ATR: variants seen among roughly 807,000 people sequenced by gnomAD.
ATR encodes ATR checkpoint kinase.
Under a neutral mutation model 305.3 loss-of-function variants are expected in ATR, and 142 were observed. That is an observed-to-expected ratio of 0.47 (90% CI 0.41 to 0.53). ATR has a LOEUF of 0.53. Ranked by LOEUF, ATR falls within the 20% of genes least tolerant of loss-of-function variation. ATR has a pLI of 0.00. For missense variants in ATR, 2,135 were observed against 3,133.1 expected (o/e 0.68, Z 7.60); for synonymous variants, 1,050 against 1,068.1 (o/e 0.98, Z 0.33).
chr3:142,528,258 T>C (rs2033479079), intron 21 of ATR, among the ~76,000 whole-genome samples: 1 of 152,230 alleles, frequency 6.6e-6, no homozygotes. Flanking sequence ...ATTTAGATCT[T>C]CTACGTATTT....
At chr3:142,578,543 T>G in intron 1 of ATR, 103 bp downstream of exon 1, 1 of 1,324,438 alleles carries the variant, frequency 7.6e-7, no homozygotes, top group Non-Finnish European at 1.0e-6. Flanking sequence ...AGCGGGGGCT[T>G]AGGGGATCCC....
At chr3:142,457,913 T>C (rs982304358) in intron 44 of ATR, 158 bp from the exon 45 acceptor site, 4 of 785,242 alleles carry the variant, frequency 5.1e-6, no homozygotes, top group East Asian at 2.7e-5. Context: ...GAAGGAGCCA[T>C]GTAGCTCTGC....
At chr3:142,540,065 A>T (rs755857423) in intron 18 of ATR, among the ~76,000 whole-genome samples, 4 of 152,192 alleles carry the variant, frequency 2.6e-5, no homozygotes, top group Non-Finnish European at 5.9e-5. Flanking sequence ...GTATGTTATC[A>T]TAATAAATTG....
At chr3:142,543,682 T>G (rs2108443604) in intron 16 of ATR, among the ~76,000 whole-genome samples, 1 of 152,016 alleles carries the variant, frequency 6.6e-6, no homozygotes, top group Middle Eastern at 3.4e-3. Context: ...CCTCTTCTTT[T>G]CTTCCTCTCT....
In ATR at chr3:142,475,330, T is replaced by C. The variant is rs182427517; in HGVS notation, c.6222-5147A>G. Among the ~76,000 whole-genome samples the C allele has an allele frequency of 2.6e-5, 4 of 152,282 alleles. No homozygotes were observed. In the East Asian group the frequency reaches 7.7e-4, roughly 29 times the overall value. On this transcript the variant is annotated intron_variant, in intron 36 of 46. Transcript: ENST00000350721. ...GTTCTCATTGTTCAATTCCCAGCTA[T>C]GAATGAGAACATGCGGTGTTTGGTT...
intron 3 of ATR, among the ~76,000 whole-genome samples, chr3:142,564,948 G>GGTTTT (rs2035015257): frequency 1.3e-5 from 2 of 151,948 alleles, no homozygotes; most frequent in Non-Finnish European, 1.5e-5. Context: ...GGTTTGGTTT[G>GGTTTT]GTTTGGTTTT....
intron 3 of ATR, among the ~76,000 whole-genome samples, chr3:142,564,666 C>T (rs1172179765): frequency 6.6e-6 from 1 of 152,110 alleles, no homozygotes; most frequent in Non-Finnish European, 1.5e-5. Context: ...TGACCCAGTA[C>T]ATATACATGC....
chr3:142,496,314 A>G (rs1248438205), intron 34 of ATR, 47 bp downstream of exon 34: 5 of 200,722 alleles, frequency 2.5e-5, no homozygotes, highest in African/African-American at 3.7e-5. Context: ...ATATATATAT[A>G]TATATATATA....
rs2034786632 is a variant in ATR at position 142,559,103 on chromosome 3, T to C, written c.1732+148A>G. On this transcript the variant is annotated intron_variant, in intron 7 of 46. Transcript: ENST00000350721. ...ACATAAATTGGCAACTCAGAACTTC[T>C]ATTATTGACAAATTTAATAGAACTG... 4.6e-6 allele frequency: 4 copies of C among 860,972 alleles called. No homozygotes were observed. In the South Asian group the frequency reaches 5.6e-5, roughly 12 times the overall value. The allele number at this position is 860,972 out of a possible 1,614,324, so 53.3% of individuals were successfully genotyped here.
rs765495429 is a variant in ATR, at chr3:142,568,054, G to A, written c.151+9C>T. 6.3e-7 allele frequency: 1 copy of A among 1,585,976 alleles called. No individual in the cohort carries two copies. The highest frequency in any genetic ancestry group is 8.6e-7 in the Non-Finnish European group (1 of 1,160,490). ...ATAAAGTTTATATAAGAAATAATTG[G>A]TTTCTTACCAACATTTACATCTGTA... On this transcript the variant is annotated intron_variant, in intron 2 of 46. Transcript: ENST00000350721.
intron 1 of ATR, among the ~76,000 whole-genome samples, chr3:142,577,901 C>T (rs2035492222): frequency 6.6e-6 from 1 of 152,178 alleles, no homozygotes. Flanking sequence ...ACACCTCTCC[C>T]TCCTTGTGGT....
At chr3:142,509,422 C>T (rs1311384406) in intron 27 of ATR, among the ~76,000 whole-genome samples, 3 of 151,958 alleles carry the variant, frequency 2.0e-5, no homozygotes, top group East Asian at 1.9e-4. Flanking sequence ...CCTCGGCCTC[C>T]CAAAGTGCTA....
At chr3:142,486,010 T>C (rs1192569841) in intron 35 of ATR, among the ~76,000 whole-genome samples, 1 of 152,242 alleles carries the variant, frequency 6.6e-6, no homozygotes, top group Non-Finnish European at 1.5e-5. Flanking sequence ...CCTTGACTTC[T>C]GTGAGGCCAC....
At chr3:142,520,695 A>C (rs1418576138) in intron 23 of ATR, among the ~76,000 whole-genome samples, 1 of 152,118 alleles carries the variant, frequency 6.6e-6, no homozygotes, top group African/African-American at 2.4e-5. Context: ...GAAGTGATAC[A>C]ACTCAAGGGG....
rs80252480 is a variant in ATR at position 142,566,562 on chromosome 3, A to G, written c.152-301T>C. 1.4e-4 allele frequency among the ~76,000 whole-genome samples: 20 copies of G among 145,890 alleles called. No homozygotes were observed. In the East Asian group the frequency reaches 3.7e-3, roughly 27 times the overall value. On this transcript the variant is annotated intron_variant, in intron 2 of 46. Coordinates refer to ENST00000350721, the MANE Select transcript of ATR (RefSeq NM_001184.4). ...TCCCTTGAGCCCAGAAGTTCAAGGC[A>G]GTAGTGAGCTACGATCACACTATTG...
chr3:142,475,367 G>A (rs972540688), intron 36 of ATR, among the ~76,000 whole-genome samples: 53 of 151,946 alleles, frequency 3.5e-4, no homozygotes, highest in African/African-American at 1.2e-3. Flanking sequence ...TTTGTCCTTC[G>A]ATAGTTTGCT....
chr3:142,553,833 T>C lies in ATR; in HGVS notation c.2524A>G (p.Ile842Val). Residue 842 changes from isoleucine (I) to valine (V), a missense_variant, in exon 11 of 47, where the codon ATA becomes GTA. This residue lies in a region of ATR where 530 missense variants were observed against 766.8 expected (regional missense o/e 0.69). Transcript: ENST00000350721. ...LESLDSEDGF[I>V]KELFVLRMKE... The stretch of plus-strand genomic sequence containing the variant: ...AAACAAAAATTATCAACCTCCTTTA[T>C]AAATCCATCTTCAGAGTCCAAGGAT... 3 of 1,613,530 alleles carry C rather than the reference T, an allele frequency of 1.9e-6. No individual in the cohort carries two copies. The highest frequency in any genetic ancestry group is 1.1e-5 in the South Asian group (1 of 91,072).
At chr3:142,477,522 A>G (rs1040986363) in intron 36 of ATR, among the ~76,000 whole-genome samples, 23 of 152,170 alleles carry the variant, frequency 1.5e-4, no homozygotes, top group Admixed American at 6.5e-4. Context: ...TTTTGCATCA[A>G]TGTTCATCAG....
chr3:142,514,736 G>A (rs1406553121), intron 25 of ATR, among the ~76,000 whole-genome samples: 1 of 149,306 alleles, frequency 6.7e-6, no homozygotes, highest in African/African-American at 2.5e-5. Flanking sequence ...GAACCCGGTA[G>A]GCGGAGACTT....
Sources: gnomAD v4.1 joint callset for allele counts (sites outside exome capture counted in the v4.1 genomes callset) on GRCh38, gnomAD v4.1.1 for gene constraint, gnomAD v4.1.1 regional missense constraint, MANE v1.5 for transcripts, NCBI Gene and HGNC (gene_info 2026-07-23, HGNC 2026-07-21) for gene names.